Variants in ACCS observed in about 807,000 individuals in gnomAD.
ACCS encodes 1-aminocyclopropane-1-carboxylate synthase-like protein 1.
ACCS carries 42 observed loss-of-function variants against 59.8 expected under a neutral mutation model. The ratio of observed to expected loss-of-function variants is 0.70; its 90% CI spans 0.55 to 0.91. The LOEUF (loss-of-function observed/expected upper bound fraction) is 0.91, where lower values mean the gene tolerates loss of function less well. ACCS is among the 40% of genes least tolerant of loss of function. The pLI is 0.00. For synonymous variants in ACCS, 230 were observed against 240.3 expected, an observed-to-expected ratio of 0.96 and a Z score of 0.40; for missense variants, 602 against 630.4, an observed-to-expected ratio of 0.95 and a Z score of 0.48.
intron 2 of ACCS, among the ~76,000 whole-genome samples, chr11:44,071,028 G>A (rs550537720): frequency 6.6e-6 from 1 of 152,164 alleles, no homozygotes; most frequent in Non-Finnish European, 1.5e-5. Context: ...TGGGGTTATA[G>A]GGGGGACTTC....
chr11:44,079,148 C>A, intron 9 of ACCS: 1 of 365,546 alleles, frequency 2.7e-6, no homozygotes, highest in East Asian at 5.5e-5. Flanking sequence ...ATCCTTACAA[C>A]AATCCTCACA....
intron 4 of ACCS, among the ~76,000 whole-genome samples, chr11:44,073,792 T>C (rs528545989): frequency 4.6e-5 from 7 of 152,310 alleles, no homozygotes; most frequent in Non-Finnish European, 7.3e-5. Flanking sequence ...AGGAGCTCGC[T>C]AGTCTGGTTT....
intron 12 of ACCS, 142 bp downstream of exon 12, chr11:44,081,462 C>G (rs1953638841): frequency 7.4e-7 from 1 of 1,353,598 alleles, no homozygotes; most frequent in African/African-American, 1.5e-5. Context: ...CGACTGGGTC[C>G]ATACCCTATT....
At chr11:44,080,852 C>A in intron 10 of ACCS, 168 bp from the exon 11 acceptor site, 3 of 769,300 alleles carry the variant, frequency 3.9e-6, no homozygotes, top group Non-Finnish European at 6.3e-6. Context: ...ATTTGCTAAC[C>A]CCTGCTCTAA....
At position 44,070,423 on chromosome 11, in the gene ACCS, G is replaced by C. The variant is rs897658096; in HGVS notation, c.289-833G>C. Among the ~76,000 whole-genome samples, 8 of 152,208 alleles carry C rather than the reference G, an allele frequency of 5.3e-5. 1 individual carries two copies. Among genetic ancestry groups the C allele is most frequent in the Admixed American group, 5.2e-4 (8 of 15,284 alleles). The stretch of plus-strand genomic sequence containing the variant: ...GTAGAGCTGCCAGGATGTGTGGACA[G>C]ATTGGCTCTGTTTCGAGGAGCTTCC... On this transcript the variant is annotated intron_variant, in intron 2 of 14. Transcript: ENST00000263776.
chr11:44,079,698 C>G (rs1323899369), intron 10 of ACCS, 78 bp downstream of exon 10: 11 of 1,321,622 alleles, frequency 8.3e-6, no homozygotes. Flanking sequence ...GCTCAGCCCA[C>G]AGGGCATGGC....
intron 12 of ACCS, among the ~76,000 whole-genome samples, chr11:44,081,748 T>A (rs2134897657): frequency 6.6e-6 from 1 of 152,282 alleles, no homozygotes; most frequent in Middle Eastern, 3.4e-3. Flanking sequence ...GGTGGGAGGA[T>A]CACTTGAACC....
Position 44,074,677 on chromosome 11 carries a change from A to T in ACCS, c.485A>T (p.Glu162Val), listed in dbSNP as rs753604655. The T allele has an allele frequency of 6.2e-7, 1 of 1,604,982 alleles. No homozygotes were observed. The highest frequency in any genetic ancestry group is 8.5e-7 in the Non-Finnish European group (1 of 1,176,240). The change falls in exon 5 of 15, where the codon GAG becomes GTG. Residue 162 changes from glutamate (E) to valine (V), a missense_variant. Transcript: ENST00000263776. ...AAGAGCCCAGTACCCCTCAGACCAG[A>T]GAATGTGAGTGGCCCCCTCCACTGC... ...YCKSPVPLRP[E>V]NVVVLNGGAS... is the part of the protein sequence containing the mutation.
intron 12 of ACCS, among the ~76,000 whole-genome samples, chr11:44,082,823 G>C (rs1953700847): frequency 6.6e-6 from 1 of 152,138 alleles, no homozygotes; most frequent in South Asian, 2.1e-4. Context: ...GCCACACTGG[G>C]ATCTGAACCT....
chr11:44,069,575 C>T (rs1952953723), intron 2 of ACCS, among the ~76,000 whole-genome samples: 1 of 152,202 alleles, frequency 6.6e-6, no homozygotes, highest in South Asian at 2.1e-4. Context: ...GTGAAGGTGC[C>T]ATGAAGCTGG....
chr11:44,069,064 A>G (rs1011696292), intron 2 of ACCS, among the ~76,000 whole-genome samples: 6 of 152,318 alleles, frequency 3.9e-5, no homozygotes, highest in East Asian at 3.9e-4. Flanking sequence ...TAAGATGAAC[A>G]TTTGAGCAGA....
At chr11:44,073,108 T>A (rs1953139518) in intron 3 of ACCS, among the ~76,000 whole-genome samples, 1 of 152,166 alleles carries the variant, frequency 6.6e-6, no homozygotes, top group Non-Finnish European at 1.5e-5. Flanking sequence ...CCCATGGAGA[T>A]GCTGATCAGT....
chr11:44,067,732 A>T lies in ACCS; in HGVS notation c.105A>T (p.Glu35Asp), dbSNP rs749776484. 1.2e-6 allele frequency: 2 copies of T among 1,614,118 alleles called. No homozygotes were observed. Among genetic ancestry groups the T allele is most frequent in the Non-Finnish European group, 1.7e-6 (2 of 1,180,050 alleles). Reference protein sequence around the residue: ...GSSHGEDLEGECSRKLDQKLP... With the variant: ...GSSHGEDLEGDCSRKLDQKLP... ...GCCATGGGGAAGATCTGGAAGGAGA[A>T]TGCTCCAGAAAACTGGACCAGAAGC... Residue 35 changes from glutamate (E) to aspartate (D), a missense_variant, in exon 2 of 15, where the codon GAA becomes GAT. Coordinates refer to ENST00000263776, the MANE Select transcript of ACCS (RefSeq NM_032592.4).
rs757341964 is a variant in ACCS, at chr11:44,075,573, G to A, written c.537G>A (p.Thr179=). Residue 179 remains threonine (T), a synonymous_variant, in exon 6 of 15, where the codon ACG becomes ACA. Transcript: ENST00000263776. ...GGASLFSALA[T]VLCEAGEAFL... is the part of the protein sequence containing the mutation. Reference sequence around the variant, plus strand: ...CCTCGCTCTTCTCTGCTCTGGCCACGGTGCTGTGTGAGGCCGGGGGTAAGT... The same window carrying A: ...CCTCGCTCTTCTCTGCTCTGGCCACAGTGCTGTGTGAGGCCGGGGGTAAGT... 12 of 1,614,142 alleles carry A rather than the reference G, an allele frequency of 7.4e-6. No homozygotes were observed. The highest frequency in any genetic ancestry group is 3.3e-5 in the Admixed American group (2 of 60,028).
chr11:44,074,736 CTTT>C (rs1953235357), intron 5 of ACCS, 55 bp downstream of exon 5: 2 of 107,412 alleles, frequency 1.9e-5, no homozygotes, highest in African/African-American at 1.3e-4. Flanking sequence ...CTCTCCATCT[CTTT>C]CTTTCTTTCT....
At chr11:44,080,153 G>A (rs1028324933) in intron 10 of ACCS, among the ~76,000 whole-genome samples, 1 of 152,272 alleles carries the variant, frequency 6.6e-6, no homozygotes, top group African/African-American at 2.4e-5. Context: ...GGGAGGCCAA[G>A]GTGGGAGGAT....
intron 9 of ACCS, 76 bp from the exon 10 acceptor site, chr11:44,079,455 G>A (rs1191925033): frequency 8.7e-6 from 11 of 1,271,544 alleles, no homozygotes; most frequent in Non-Finnish European, 1.2e-5. Context: ...GATTTCTGAT[G>A]TATTACCTCC....
In ACCS at chr11:44,081,261, G is replaced by A. The variant is rs765539149; in HGVS notation, c.1052G>A (p.Arg351His). Residue 351 changes from arginine to histidine, a missense_variant, in exon 12 of 15, where the codon CGC (arginine) becomes CAC (histidine). Transcript: ENST00000263776. Reference protein sequence around the residue: ...DVATAVASLCRYHGLSGLVQY... With the variant: ...DVATAVASLCHYHGLSGLVQY... ...GCCACTGCCGTGGCTTCCCTCTGCC[G>A]CTACCACGGCCTCAGTGGCTTGGTC... 2.0e-5 allele frequency: 32 copies of A among 1,614,126 alleles called. No individual in the cohort carries two copies. Among genetic ancestry groups the A allele is most frequent in the Middle Eastern group, 1.6e-4 (1 of 6,084 alleles).
Position 44,075,760 on chromosome 11 carries a change from G to A in ACCS, c.556+168G>A, listed in dbSNP as rs372271826. ...TTGACAAAGCACCCGGGGGTCAGCA[G>A]TTCCAGGGGAGGTTAGTTTGATGTC... is the stretch of plus-strand genomic sequence containing the variant. On this transcript the variant is annotated intron_variant, in intron 6 of 14. Transcript: ENST00000263776. The A allele has an allele frequency of 2.4e-5, 17 of 720,112 alleles. No homozygotes were observed. The South Asian group carries it at 3.6e-4, about 15-fold the overall frequency. 44.6% of individuals were successfully genotyped at this position (720,112 alleles called of 1,614,324 possible).
Sources: gnomAD v4.1 joint callset for allele counts (sites outside exome capture counted in the v4.1 genomes callset) on GRCh38, gnomAD v4.1.1 for gene constraint, MANE v1.5 for transcripts, NCBI Gene and HGNC (gene_info 2026-07-23, HGNC 2026-07-21) for gene names.